Variants in CTTNBP2 observed in about 807,000 individuals in gnomAD.
The protein encoded by CTTNBP2 is cortactin binding protein 2.
CTTNBP2 carries 108 observed loss-of-function variants against 156.9 expected under a neutral mutation model. That is an observed-to-expected ratio of 0.69 (90% CI 0.59 to 0.81). The LOEUF is 0.81. CTTNBP2 is among the 30% of genes least tolerant of loss of function. The pLI is 0.00. For missense variants in CTTNBP2, 1,924 were observed against 2,035.4 expected, an observed-to-expected ratio of 0.95 and a Z score of 1.05; for synonymous variants, 767 against 751.8, an observed-to-expected ratio of 1.02 and a Z score of -0.33.
chr7:117,724,133 T>C (rs1794954601), intron 19 of CTTNBP2, among the ~76,000 whole-genome samples: 1 of 152,126 alleles, frequency 6.6e-6, no homozygotes, highest in African/African-American at 2.4e-5. Flanking sequence ...CTGATTCACC[T>C]GGAAAGGCCT....
intron 1 of CTTNBP2, among the ~76,000 whole-genome samples, chr7:117,873,118 A>T (rs752821786): frequency 2.0e-5 from 3 of 152,106 alleles, no homozygotes; most frequent in Non-Finnish European, 4.4e-5. Context: ...CGCGGAAGGG[A>T]CAGGAGGGAT....
intron 3 of CTTNBP2, among the ~76,000 whole-genome samples, chr7:117,801,628 A>G (rs1799608554): frequency 6.6e-6 from 1 of 152,228 alleles, no homozygotes; most frequent in Non-Finnish European, 1.5e-5. Flanking sequence ...TATGTAAGAG[A>G]TTGTCCTTAT....
intron 2 of CTTNBP2, among the ~76,000 whole-genome samples, chr7:117,831,209 A>C (rs1801592582): frequency 6.6e-6 from 1 of 152,172 alleles, no homozygotes; most frequent in South Asian, 2.1e-4. Flanking sequence ...ACTATTTCTT[A>C]ATATCCTTGG....
intron 12 of CTTNBP2, among the ~76,000 whole-genome samples, chr7:117,753,557 T>C (rs4730803): frequency 0.21 from 32,050 of 152,120 alleles, 3,760 homozygotes; most frequent in Non-Finnish European, 0.22. Flanking sequence ...ATATACACCA[T>C]GGAATACTAA....
intron 2 of CTTNBP2, among the ~76,000 whole-genome samples, chr7:117,851,944 T>C (rs1190198840): frequency 6.6e-6 from 1 of 152,178 alleles, no homozygotes; most frequent in Non-Finnish European, 1.5e-5. Flanking sequence ...CAACTCTAAG[T>C]TAACTTGACA....
intron 19 of CTTNBP2, among the ~76,000 whole-genome samples, chr7:117,722,125 G>T (rs1794824874): frequency 1.3e-5 from 2 of 152,286 alleles, no homozygotes; most frequent in South Asian, 4.1e-4. Context: ...CACAGCCTTG[G>T]GCTCTGCCCT....
At position 117,757,955 on chromosome 7, in the gene CTTNBP2, G is replaced by T. The variant is rs1292960655; in HGVS notation, c.3188C>A (p.Ser1063Ter). The change falls in exon 11 of 23, where the codon TCA becomes TAA. Residue 1063 changes from serine (S) to a stop codon, truncating the protein, a stop_gained. Transcript: ENST00000160373. LOFTEE classifies it high-confidence loss of function. ...RSITLGNVPWSVGQSFAQSPW... is the reference protein window; with the variant it reads ...RSITLGNVPW ...GGACTGCGCGAAGCTCTGACCCACT[G>T]ACCACGGCACATTTCCTAGTTTCAA... is the stretch of plus-strand genomic sequence containing the variant. 11 of 1,612,738 alleles carry T rather than the reference G, an allele frequency of 6.8e-6. No homozygotes were observed. The highest frequency in any genetic ancestry group is 9.3e-6 in the Non-Finnish European group (11 of 1,179,478).
rs578000947 is a variant in CTTNBP2 at position 117,863,461 on chromosome 7, T to C, written c.82-2145A>G. ...CTTATAAACTAATTGTTCTCAAACATTGGCATGCATAAGAATCACCTGAAG... is the reference window on the plus strand; with the variant it reads ...CTTATAAACTAATTGTTCTCAAACACTGGCATGCATAAGAATCACCTGAAG... On this transcript the variant is annotated intron_variant, in intron 1 of 22. Transcript: ENST00000160373. Among the ~76,000 whole-genome samples, 59 of 152,322 alleles carry C rather than the reference T, an allele frequency of 3.9e-4. 1 individual carries two copies. Among genetic ancestry groups the C allele is most frequent in the Admixed American group, 3.1e-3 (48 of 15,300 alleles).
At chr7:117,812,775 C>T (rs1383508602) in intron 2 of CTTNBP2, among the ~76,000 whole-genome samples, 2 of 152,148 alleles carry the variant, frequency 1.3e-5, no homozygotes, top group Non-Finnish European at 2.9e-5. Context: ...TGTAGCAGTT[C>T]TTCTCCCACC....
At chr7:117,870,279 G>A (rs922384029) in intron 1 of CTTNBP2, among the ~76,000 whole-genome samples, 6 of 152,078 alleles carry the variant, frequency 3.9e-5, no homozygotes, top group Non-Finnish European at 8.8e-5. Flanking sequence ...TTAAATCTAC[G>A]TTATTTCCTA....
At position 117,727,970 on chromosome 7, in the gene CTTNBP2, CA is replaced by C; in HGVS notation, c.4055+118del. On this transcript the variant is annotated intron_variant, in intron 17 of 22. Transcript: ENST00000160373. ...CCTCTGAAAGAGCAGAGAGCACTGG[CA>C]CTCCGTGTCAGTGACAGGAGGTGGC... The C allele has an allele frequency of 8.2e-6, 7 of 849,648 alleles. No homozygotes were observed. In the South Asian group the frequency reaches 1.2e-4, roughly 14 times the overall value. 52.6% of individuals were successfully genotyped at this position (849,648 alleles called of 1,614,324 possible).
chr7:117,777,677 C>G lies in CTTNBP2; in HGVS notation c.2612G>C (p.Gly871Ala). ...LLMYHRIPAH[G>A]NSFNEEESES... Reference sequence around the variant, plus strand: ...GGACTCCTCCTCATTGAAAGAATTTCCATGAGCTGGTATTCTATGGTACAT... The same window carrying G: ...GGACTCCTCCTCATTGAAAGAATTTGCATGAGCTGGTATTCTATGGTACAT... Residue 871 changes from glycine to alanine, a missense_variant, in exon 8 of 23, where the codon GGA becomes GCA. Transcript: ENST00000160373. The G allele has an allele frequency of 6.2e-7, 1 of 1,614,132 alleles. No homozygotes were observed. Among genetic ancestry groups the G allele is most frequent in the South Asian group, 1.1e-5 (1 of 91,084 alleles).
chr7:117,756,787 G>T (rs1455395352), intron 11 of CTTNBP2, among the ~76,000 whole-genome samples, 153 bp from the exon 12 acceptor site: 1 of 152,226 alleles, frequency 6.6e-6, no homozygotes, highest in African/African-American at 2.4e-5. Context: ...GTGCCTTTCT[G>T]TTGTGAAAAT....
At chr7:117,771,789 GCAAA>G (rs998559090) in intron 8 of CTTNBP2, among the ~76,000 whole-genome samples, 1 of 152,186 alleles carries the variant, frequency 6.6e-6, no homozygotes, top group African/African-American at 2.4e-5. Context: ...AGAGAAGCAT[GCAAA>G]CAGTTACAAT....
chr7:117,852,061 C>T (rs184189766), intron 2 of CTTNBP2, among the ~76,000 whole-genome samples: 1 of 152,234 alleles, frequency 6.6e-6, no homozygotes. Context: ...AATGACACAT[C>T]CGCATTTTAA....
At chr7:117,864,822 A>ATATATTCATATATATTCATTC (rs1159295819) in intron 1 of CTTNBP2, among the ~76,000 whole-genome samples, 4 of 140,040 alleles carry the variant, frequency 2.9e-5, no homozygotes, top group Non-Finnish European at 6.1e-5. Flanking sequence ...TTCATTCAAT[A>ATATATTCATATATATTCATTC]TATATTCATA....
At chr7:117,764,161 T>C (rs1257749320) in intron 9 of CTTNBP2, among the ~76,000 whole-genome samples, 18 of 152,154 alleles carry the variant, frequency 1.2e-4, no homozygotes, top group Admixed American at 1.1e-3. Flanking sequence ...ATCAAGACAA[T>C]TATTTCCCCA....
intron 8 of CTTNBP2, among the ~76,000 whole-genome samples, chr7:117,768,565 CA>C (rs747773487): frequency 5.4e-5 from 3 of 55,546 alleles, no homozygotes; most frequent in East Asian, 6.6e-4. Context: ...GACTCTGTCT[CA>C]AAAAAAAAAA....
intron 2 of CTTNBP2, among the ~76,000 whole-genome samples, chr7:117,834,057 C>CT (rs66655327): frequency 0.51 from 74,563 of 146,626 alleles, 19,215 homozygotes; most frequent in East Asian, 0.74. Context: ...TTTCTTTCTT[C>CT]TTTTTTTTTT....
Sources: allele counts gnomAD v4.1 joint callset (sites outside exome capture counted in the v4.1 genomes callset), GRCh38; gene constraint gnomAD v4.1.1; transcripts MANE v1.5; gene names NCBI Gene and HGNC (gene_info 2026-07-23, HGNC 2026-07-21).